RAB22A: variants seen among roughly 807,000 people sequenced by gnomAD.
RAB22A encodes the protein ras-related protein Rab-22A.
RAB22A carries 13 observed loss-of-function variants against 30.2 expected under a neutral mutation model. The observed-to-expected ratio is 0.43, with a 90% CI of 0.28 to 0.68. RAB22A has a LOEUF of 0.68. Ranked by LOEUF, RAB22A falls within the 30% of genes least tolerant of loss-of-function variation. The pLI, the probability that RAB22A is intolerant of heterozygous loss-of-function variation, is 0.18. For synonymous variants in RAB22A, 89 were observed against 87.2 expected (o/e 1.02, Z -0.11); for missense variants, 177 against 246.8 (o/e 0.72, Z 1.89).
rs933524334 is a variant in RAB22A at position 58,309,834 on chromosome 20, C to A, written c.-143C>A. 3 of 762,872 alleles carry A rather than the reference C, an allele frequency of 3.9e-6. No homozygotes were observed. The Admixed American group carries it at 1.3e-4, about 34-fold the overall frequency. The allele number at this position is 762,872 out of a possible 1,614,324, so 47.3% of individuals were successfully genotyped here. On this transcript the variant is annotated 5_prime_UTR_variant, in exon 1 of 7. Transcript: ENST00000244040. ...GCAGCGGACAGGCCGGACCTACGGC[C>A]GGAGGACGGGCGGCAGCCGCCTCTG... is the stretch of plus-strand genomic sequence containing the variant.
At chr20:58,319,323 A>C (rs1020307523) in intron 2 of RAB22A, among the ~76,000 whole-genome samples, 5 of 152,228 alleles carry the variant, frequency 3.3e-5, no homozygotes, top group African/African-American at 1.2e-4. Flanking sequence ...TGTTGAATTC[A>C]GCATTTGTTG....
At chr20:58,324,523 A>C (rs538502804) in intron 2 of RAB22A, among the ~76,000 whole-genome samples, 1 of 151,936 alleles carries the variant, frequency 6.6e-6, no homozygotes. Context: ...TAACTTCTTG[A>C]GATAGACAGT....
intron 2 of RAB22A, among the ~76,000 whole-genome samples, chr20:58,333,877 C>T (rs1257652857): frequency 1.3e-5 from 2 of 151,956 alleles, no homozygotes; most frequent in Non-Finnish European, 2.9e-5. Flanking sequence ...GGTGGCATAG[C>T]GAGACCCTGT....
chr20:58,353,967 C>T (rs1379163404), intron 5 of RAB22A, among the ~76,000 whole-genome samples, 189 bp from the exon 6 acceptor site: 2 of 152,130 alleles, frequency 1.3e-5, no homozygotes, highest in Non-Finnish European at 2.9e-5. Flanking sequence ...CTAGTGGTAC[C>T]GAGTTTTGTT....
In RAB22A at chr20:58,316,843, A is replaced by G. The variant is rs538601668; in HGVS notation, c.116+5721A>G. 1.3e-3 allele frequency among the ~76,000 whole-genome samples: 191 copies of G among 152,142 alleles called. 1 individual carries two copies. The highest frequency in any genetic ancestry group is 2.4e-3 in the Non-Finnish European group (162 of 67,972). ...GACCTTGGGGTAGAGGAAAGGACCA[A>G]CTGTCCTCAGGTACTCAAGCCAGCA... On this transcript the variant is annotated intron_variant, in intron 2 of 6. Coordinates refer to ENST00000244040, the MANE Select transcript of RAB22A (RefSeq NM_020673.3).
intron 2 of RAB22A, among the ~76,000 whole-genome samples, chr20:58,336,164 G>A (rs773912121): frequency 1.6e-4 from 24 of 151,842 alleles, no homozygotes; most frequent in African/African-American, 5.6e-4. Context: ...CGCCCACCAC[G>A]ACGCCCAGCT....
chr20:58,338,730 C>T (rs547327902), intron 2 of RAB22A, among the ~76,000 whole-genome samples: 1 of 152,308 alleles, frequency 6.6e-6, no homozygotes, highest in South Asian at 2.1e-4. Context: ...ACAGAGACAA[C>T]TTTGTGAAGG....
intron 2 of RAB22A, among the ~76,000 whole-genome samples, chr20:58,335,667 A>G (rs1225505136): frequency 6.6e-6 from 1 of 152,238 alleles, no homozygotes; most frequent in African/African-American, 2.4e-5. Context: ...CAATGGCTGG[A>G]AAAGGAAGGT....
At position 58,317,157 on chromosome 20, in the gene RAB22A, C is replaced by T. The variant is rs576068705; in HGVS notation, c.116+6035C>T. Among the ~76,000 whole-genome samples, 33 of 151,836 alleles carry T rather than the reference C, an allele frequency of 2.2e-4. No individual in the cohort carries two copies. The South Asian group carries it at 5.8e-3, about 27-fold the overall frequency. ...TGTCGCCCAGGCTGGAGTGCAGTGG[C>T]GCAATCTCGGCTCACTGCAACCTCC... On this transcript the variant is annotated intron_variant, in intron 2 of 6. Transcript: ENST00000244040.
At chr20:58,328,020 T>C (rs1179383297) in intron 2 of RAB22A, among the ~76,000 whole-genome samples, 2 of 152,214 alleles carry the variant, frequency 1.3e-5, no homozygotes, top group Admixed American at 6.5e-5. Flanking sequence ...GGTAGTAATA[T>C]GTCAATGTTA....
intron 2 of RAB22A, among the ~76,000 whole-genome samples, chr20:58,340,248 A>G (rs1185545380): frequency 6.6e-6 from 1 of 152,120 alleles, no homozygotes; most frequent in African/African-American, 2.4e-5. Flanking sequence ...AGAGGGACAC[A>G]GTGACTTTGC....
intron 2 of RAB22A, among the ~76,000 whole-genome samples, chr20:58,341,869 T>C (rs1986859311): frequency 6.6e-6 from 1 of 152,188 alleles, no homozygotes; most frequent in African/African-American, 2.4e-5. Context: ...AAAATGGAAG[T>C]GTTGGATGTG....
chr20:58,337,613 GCTGTGATGGGCT>G (rs1986780848), intron 2 of RAB22A, among the ~76,000 whole-genome samples: 1 of 152,158 alleles, frequency 6.6e-6, no homozygotes, highest in African/African-American at 2.4e-5. Flanking sequence ...CCACTTGAGG[GCTGTGATGGGCT>G]CTTTCTCACC....
At position 58,309,767 on chromosome 20, in the gene RAB22A, C is replaced by G; in HGVS notation, c.-210C>G. 1 of 327,836 alleles carries G rather than the reference C, an allele frequency of 3.1e-6. No individual in the cohort carries two copies. Among genetic ancestry groups the G allele is most frequent in the Non-Finnish European group, 5.3e-6 (1 of 189,352 alleles). 20.3% of individuals were successfully genotyped at this position (327,836 alleles called of 1,614,324 possible). Reference sequence around the variant, plus strand: ...GCGGCGGCGGCGGCTCCCGGAAGGCCGCGGCGGCGTCCCGGCTGCTAAGGC... The same window carrying G: ...GCGGCGGCGGCGGCTCCCGGAAGGCGGCGGCGGCGTCCCGGCTGCTAAGGC... On this transcript the variant is annotated 5_prime_UTR_variant, in exon 1 of 7. Transcript: ENST00000244040.
Position 58,309,877 on chromosome 20 carries a change from C to T in RAB22A, c.-100C>T, listed in dbSNP as rs1224281150. On this transcript the variant is annotated 5_prime_UTR_variant, in exon 1 of 7. Transcript: ENST00000244040. ...CGCCTCTGCGCGGACCGGGGCTGGG[C>T]CGTGCGGCGGCAGCGGCGCCAGGGG... 1.7e-6 allele frequency: 2 copies of T among 1,151,666 alleles called. No homozygotes were observed. The highest frequency in any genetic ancestry group is 1.6e-5 in the African/African-American group (1 of 62,372). The allele number at this position is 1,151,666 out of a possible 1,614,324, so 71.3% of individuals were successfully genotyped here. A position where few individuals can be genotyped will look rare whatever the true frequency, so the allele number is the denominator to read the frequency against.
rs1987220430 is a variant in RAB22A, at chr20:58,361,258, T to C, written c.*1555T>C. ...TCAAACTAAATTGTATTTTCAGAGC[T>C]ATCCTGAAACTGAACAGCTGAAACT... On this transcript the variant is annotated 3_prime_UTR_variant, in exon 7 of 7. Coordinates refer to ENST00000244040, the MANE Select transcript of RAB22A (RefSeq NM_020673.3). 1 of 152,660 alleles carries C rather than the reference T, an allele frequency of 6.6e-6. No individual in the cohort carries two copies. The highest frequency in any genetic ancestry group is 2.1e-4 in the South Asian group (1 of 4,834). The allele number at this position is 152,660 out of a possible 1,614,324, so 9.5% of individuals were successfully genotyped here.
chr20:58,315,561 C>CA (rs1555852378), intron 2 of RAB22A, among the ~76,000 whole-genome samples: 7 of 151,864 alleles, frequency 4.6e-5, no homozygotes, highest in South Asian at 2.1e-4. Flanking sequence ...GAGGTTGGGG[C>CA]GGGGGGTCAT....
intron 2 of RAB22A, among the ~76,000 whole-genome samples, chr20:58,329,945 T>G (rs1235736219): frequency 6.6e-6 from 1 of 152,138 alleles, no homozygotes; most frequent in East Asian, 1.9e-4. Context: ...TGAAAGTATC[T>G]GGGGGGGAAG....
At chr20:58,348,219 T>A (rs1455573451) in intron 3 of RAB22A, among the ~76,000 whole-genome samples, 1 of 151,836 alleles carries the variant, frequency 6.6e-6, no homozygotes, top group Non-Finnish European at 1.5e-5. Flanking sequence ...GGAGTGAGAC[T>A]CCATCTCAAA....
Sources: gnomAD v4.1 joint callset for allele counts (sites outside exome capture counted in the v4.1 genomes callset) on GRCh38, gnomAD v4.1.1 for gene constraint, MANE v1.5 for transcripts, NCBI Gene and HGNC (gene_info 2026-07-23, HGNC 2026-07-21) for gene names.